Variants in LRRC28 observed in about 807,000 individuals in gnomAD.
The protein encoded by LRRC28 is leucine rich repeat containing 28.
LRRC28 carries 39 observed loss-of-function variants against 45.7 expected under a neutral mutation model. The observed-to-expected ratio is 0.85, with a 90% CI of 0.66 to 1.12. The LOEUF (loss-of-function observed/expected upper bound fraction) is 1.12, where lower values mean the gene tolerates loss of function less well. LRRC28 is among the 50% of genes most tolerant of loss of function. The pLI is 0.00. For missense variants in LRRC28, 435 were observed against 438.5 expected (o/e 0.99, Z 0.07); for synonymous variants, 206 against 178.8 (o/e 1.15, Z -1.22).
At chr15:99,341,311 C>G (rs1384196556) in intron 6 of LRRC28, among the ~76,000 whole-genome samples, 1 of 152,002 alleles carries the variant, frequency 6.6e-6, no homozygotes, top group African/African-American at 2.4e-5. Flanking sequence ...AGGCTGGTCT[C>G]GAACTCCTGA....
At chr15:99,267,162 C>T (rs1433062825) in intron 2 of LRRC28, among the ~76,000 whole-genome samples, 1 of 152,088 alleles carries the variant, frequency 6.6e-6, no homozygotes, top group Non-Finnish European at 1.5e-5. Flanking sequence ...TGATTTACAG[C>T]GATGCATATG....
chr15:99,331,862 T>G (rs1956169822), intron 5 of LRRC28: 1 of 152,252 alleles, frequency 6.6e-6, no homozygotes, highest in South Asian at 2.1e-4. Context: ...TGCATTTTCT[T>G]TGTGCCTTAT....
intron 5 of LRRC28, among the ~76,000 whole-genome samples, chr15:99,312,739 T>C (rs1273724621): frequency 6.6e-6 from 1 of 152,166 alleles, no homozygotes. Flanking sequence ...GCTACAACTC[T>C]CAGTAGGTGA....
At chr15:99,361,659 G>A in intron 8 of LRRC28, 148 bp downstream of exon 8, 1 of 741,836 alleles carries the variant, frequency 1.3e-6, no homozygotes. Context: ...CCATCTTTAA[G>A]TATACAGTTC....
Position 99,386,044 on chromosome 15 carries a change from G to A in LRRC28, c.1046G>A (p.Ser349Asn), listed in dbSNP as rs1597487040. ...AGLHQWKTTV[S>N]FVAYCCSTQC... ...TCCCCTTCCAGGAAGACAACTGTTA[G>A]TTTTGTGGCTTACTGCTGCTCCACC... The change falls in exon 10 of 10, where the codon AGT becomes AAT. Residue 349 changes from serine (S) to asparagine (N), a missense_variant. Coordinates refer to ENST00000301981, the MANE Select transcript of LRRC28 (RefSeq NM_144598.5). 8 of 1,614,134 alleles carry A rather than the reference G, an allele frequency of 5.0e-6. No individual in the cohort carries two copies. In the East Asian group the frequency reaches 1.3e-4, roughly 27 times the overall value.
intron 5 of LRRC28, among the ~76,000 whole-genome samples, chr15:99,288,765 C>G (rs1052382243): frequency 6.6e-6 from 1 of 151,580 alleles, no homozygotes; most frequent in Non-Finnish European, 1.5e-5. Flanking sequence ...CTGCAGCCTC[C>G]GCCTCCCGGG....
intron 5 of LRRC28, among the ~76,000 whole-genome samples, chr15:99,329,330 T>G (rs1956085613): frequency 6.6e-6 from 1 of 152,078 alleles, no homozygotes; most frequent in Non-Finnish European, 1.5e-5. Context: ...CCTCCAAATA[T>G]AAGTGGAGAG....
chr15:99,374,287 A>G (rs1957563855), intron 9 of LRRC28, among the ~76,000 whole-genome samples: 1 of 152,240 alleles, frequency 6.6e-6, no homozygotes, highest in Non-Finnish European at 1.5e-5. Flanking sequence ...CATCTTAAAT[A>G]ATTTTCAGCA....
intron 5 of LRRC28, among the ~76,000 whole-genome samples, chr15:99,308,120 GC>G (rs768715170): frequency 6.6e-6 from 1 of 152,280 alleles, no homozygotes; most frequent in Middle Eastern, 3.4e-3. Context: ...TTTATTTAGT[GC>G]TTTATAATTT....
intron 2 of LRRC28, chr15:99,257,837 TAGAG>T (rs1318926843): frequency 2.7e-5 from 21 of 777,352 alleles, no homozygotes; most frequent in African/African-American, 1.5e-4. Flanking sequence ...TAAGAGAACT[TAGAG>T]AGAAGTTGGA....
chr15:99,297,443 T>G (rs76624538), intron 5 of LRRC28: 1 of 148,884 alleles, frequency 6.7e-6, no homozygotes, highest in African/African-American at 2.5e-5. Flanking sequence ...TTTTTTTTTT[T>G]GGTAGAGGTG....
intron 9 of LRRC28, among the ~76,000 whole-genome samples, chr15:99,375,878 C>G (rs868112860): frequency 5.3e-5 from 8 of 151,908 alleles, no homozygotes; most frequent in African/African-American, 1.9e-4. Flanking sequence ...CAAGATTTAT[C>G]AGTTTTATTG....
At chr15:99,294,393 TG>T (rs1172691276) in intron 5 of LRRC28, among the ~76,000 whole-genome samples, 1 of 152,200 alleles carries the variant, frequency 6.6e-6, no homozygotes, top group Non-Finnish European at 1.5e-5. Context: ...AGAAGTTATC[TG>T]TTGATCTGAG....
intron 3 of LRRC28, among the ~76,000 whole-genome samples, chr15:99,282,176 G>GGTTTTTTTTTTTTTT (rs2081814497): frequency 5.9e-5 from 2 of 33,874 alleles, no homozygotes; most frequent in African/African-American, 4.2e-4. Context: ...AATTTTTGGA[G>GGTTTTTTTTTTTTTT]GTTTTTTTTT....
intron 5 of LRRC28, among the ~76,000 whole-genome samples, chr15:99,333,049 A>T (rs1040706414): frequency 1.3e-5 from 2 of 152,236 alleles, no homozygotes; most frequent in Admixed American, 1.3e-4. Flanking sequence ...CTTGTCCTGC[A>T]CAGTGCTGAC....
chr15:99,276,487 CA>C, intron 2 of LRRC28, 88 bp from the exon 3 acceptor site: 2 of 1,062,616 alleles, frequency 1.9e-6, no homozygotes, highest in Non-Finnish European at 2.7e-6. Flanking sequence ...TTACACCCCT[CA>C]AAAAGGTAGT....
At chr15:99,369,647 CAG>C (rs781725022) in intron 9 of LRRC28, among the ~76,000 whole-genome samples, 4 of 152,192 alleles carry the variant, frequency 2.6e-5, no homozygotes, top group Non-Finnish European at 5.9e-5. Context: ...CTGCTCAACT[CAG>C]AGTGTACTGA....
At chr15:99,274,611 A>G (rs999865595) in intron 2 of LRRC28, among the ~76,000 whole-genome samples, 4 of 152,202 alleles carry the variant, frequency 2.6e-5, no homozygotes, top group Non-Finnish European at 2.9e-5. Flanking sequence ...TAAAAGACAC[A>G]TGCTTATTTT....
Position 99,280,521 on chromosome 15 carries a change from C to T in LRRC28, c.209+3905C>T, listed in dbSNP as rs116246458. ...TTTTTTGTTGTTGTTGTTATCAGCA[C>T]GTTCATGATATTCATTATTCCCTGG... On this transcript the variant is annotated intron_variant, in intron 3 of 9. Coordinates refer to ENST00000301981, the MANE Select transcript of LRRC28 (RefSeq NM_144598.5). Among the ~76,000 whole-genome samples, 1,038 of 151,440 alleles carry T rather than the reference C, an allele frequency of 6.9e-3. 14 individuals carry two copies. Among genetic ancestry groups the T allele is most frequent in the African/African-American group, 0.023 (936 of 41,260 alleles).
Sources: gnomAD v4.1 joint callset for allele counts (sites outside exome capture counted in the v4.1 genomes callset) on GRCh38, gnomAD v4.1.1 for gene constraint, MANE v1.5 for transcripts, NCBI Gene and HGNC (gene_info 2026-07-23, HGNC 2026-07-21) for gene names.